Variants in CELA3B observed in about 807,000 individuals in gnomAD.
CELA3B encodes chymotrypsin like elastase 3B, also known as chymotrypsin-like elastase family member 3B.
CELA3B carries 34 observed loss-of-function variants against 37.2 expected under a neutral mutation model. That is an observed-to-expected ratio of 0.91 (90% CI 0.70 to 1.22). The LOEUF is 1.22. Ranked by LOEUF, CELA3B falls within the 50% of genes most tolerant of loss-of-function variation. The pLI, the probability that CELA3B is intolerant of heterozygous loss-of-function variation, is 0.00. For synonymous variants in CELA3B, 127 were observed against 143.5 expected (o/e 0.89, Z 0.82); for missense variants, 340 against 363.1 (o/e 0.94, Z 0.52).
intron 5 of CELA3B, 120 bp downstream of exon 5, chr1:21,983,950 C>T (rs1644822105): frequency 2.1e-6 from 3 of 1,418,294 alleles, no homozygotes; most frequent in Non-Finnish European, 2.9e-6. Flanking sequence ...TTCTCTCCAG[C>T]TGCAGCCTTC....
Position 21,977,089 on chromosome 1 carries a change from C to G in CELA3B, c.43+7C>G. 1 of 1,614,122 alleles carries G rather than the reference C, an allele frequency of 6.2e-7. No individual in the cohort carries two copies. ...CTCCTCCTTGTGGCCGTTGGTAAGACCCCAACCTGTGTGTGTGCTCCCTGG... is the reference window on the plus strand; with the variant it reads ...CTCCTCCTTGTGGCCGTTGGTAAGAGCCCAACCTGTGTGTGTGCTCCCTGG... On this transcript the variant is annotated splice_region_variant and intron_variant, in intron 1 of 7. Transcript: ENST00000337107.
intron 2 of CELA3B, among the ~76,000 whole-genome samples, chr1:21,978,669 G>A (rs1301456199): frequency 3.3e-5 from 5 of 152,118 alleles, no homozygotes; most frequent in Non-Finnish European, 7.4e-5. Flanking sequence ...AAGTGGAATC[G>A]GGGGTGAAGG....
chr1:21,984,755 T>A (rs1232069503), intron 6 of CELA3B, among the ~76,000 whole-genome samples: 1 of 152,090 alleles, frequency 6.6e-6, no homozygotes, highest in Non-Finnish European at 1.5e-5. Flanking sequence ...GAGACCAGCC[T>A]GGCCAACATG....
chr1:21,981,040 G>A lies in CELA3B; in HGVS notation c.230G>A (p.Ser77Asn), dbSNP rs764453924. ...WVVTAGHCISSSRTYQVVLGE... is the reference protein window; with the variant it reads ...WVVTAGHCISNSRTYQVVLGE... ...ACTGACCTCACCTCCGCCCGCAGGA[G>A]CTCCCGGACCTACCAGGTGGTGTTG... The change falls in exon 4 of 8, where the codon AGC becomes AAC. Residue 77 changes from serine (S) to asparagine (N), a missense_variant and splice_region_variant. Physicochemically the swap from Ser to Asn is conservative, Grantham distance 46 (BLOSUM62 1). Transcript: ENST00000337107. 3 of 1,614,116 alleles carry A rather than the reference G, an allele frequency of 1.9e-6. No homozygotes were observed. The highest frequency in any genetic ancestry group is 1.7e-5 in the Admixed American group (1 of 60,014).
chr1:21,984,480 C>T, intron 6 of CELA3B, 149 bp downstream of exon 6: 1 of 1,099,998 alleles, frequency 9.1e-7, no homozygotes, highest in Non-Finnish European at 1.3e-6. Context: ...CAGCGCAGTC[C>T]AGACACAGAG....
intron 4 of CELA3B, among the ~76,000 whole-genome samples, chr1:21,982,757 A>G (rs1489467050): frequency 6.6e-6 from 1 of 152,012 alleles, no homozygotes; most frequent in Non-Finnish European, 1.5e-5. Flanking sequence ...GGCTCACTAC[A>G]AGCTCTGCCT....
At chr1:21,992,441 G>A (rs1475161469), downstream of CELA3B, among the ~76,000 whole-genome samples, 1 of 151,740 alleles carries the variant, frequency 6.6e-6, no homozygotes, top group Non-Finnish European at 1.5e-5. Context: ...ATCAAAAGGT[G>A]AAGCAGGAAC....
At position 21,984,282 on chromosome 1, in the gene CELA3B, T is replaced by C. The variant is rs749424631; in HGVS notation, c.593T>C (p.Val198Ala). The change falls in exon 6 of 8, where the codon GTG becomes GCG. Residue 198 changes from valine (V) to alanine (A), a missense_variant. Val to Ala is a moderately conservative substitution (Grantham distance 64). Transcript: ENST00000337107. Reference protein sequence around the residue: ...CSRWNWWGSSVKKTMVCAGGD... With the variant: ...CSRWNWWGSSAKKTMVCAGGD... ...AGGTGGAACTGGTGGGGTTCCTCCGTGAAGAAGACCATGGTGTGTGCTGGA... is the reference window on the plus strand; with the variant it reads ...AGGTGGAACTGGTGGGGTTCCTCCGCGAAGAAGACCATGGTGTGTGCTGGA... The C allele has an allele frequency of 6.2e-7, 1 of 1,614,152 alleles. No homozygotes were observed. Among genetic ancestry groups the C allele is most frequent in the Admixed American group, 1.7e-5 (1 of 60,008 alleles).
chr1:21,992,968 C>CAAA (rs569090847), downstream of CELA3B, among the ~76,000 whole-genome samples: 7 of 107,476 alleles, frequency 6.5e-5, no homozygotes, highest in Non-Finnish European at 1.2e-4. Flanking sequence ...ACCTTGTCTC[C>CAAA]AAAAAAAAAA....
Position 21,981,095 on chromosome 1 carries a change from C to T in CELA3B, c.285C>T (p.Gly95=). ...AGTACGACCGTGCTGTGAAGGAGGGCCCCGAGCAGGTGATCCCCATCAACT... is the reference window on the plus strand; with the variant it reads ...AGTACGACCGTGCTGTGAAGGAGGGTCCCGAGCAGGTGATCCCCATCAACT... ...LGEYDRAVKE[G]PEQVIPINSG... is the part of the protein sequence containing the mutation. Residue 95 remains glycine, a synonymous_variant, in exon 4 of 8, where the codon GGC becomes GGT. Coordinates refer to ENST00000337107, the MANE Select transcript of CELA3B (RefSeq NM_007352.4). 1 of 1,613,670 alleles carries T rather than the reference C, an allele frequency of 6.2e-7. No homozygotes were observed. Among genetic ancestry groups the T allele is most frequent in the Non-Finnish European group, 8.5e-7 (1 of 1,180,028 alleles).
intron 6 of CELA3B, among the ~76,000 whole-genome samples, 198 bp from the exon 7 acceptor site, chr1:21,986,333 T>G (rs61777962): frequency 0.087 from 13,065 of 150,312 alleles, 1,008 homozygotes; most frequent in African/African-American, 0.2. Context: ...CCAAGCTAGC[T>G]CCACTGCACT....
At chr1:21,989,708 G>A (rs193292317), downstream of CELA3B, among the ~76,000 whole-genome samples, 18 of 151,138 alleles carry the variant, frequency 1.2e-4, no homozygotes, top group Admixed American at 6.6e-4. Context: ...CCCCTCAGCA[G>A]GCTCATGGTA....
At position 21,984,182 on chromosome 1, in the gene CELA3B, G is replaced by C. The variant is rs766657011; in HGVS notation, c.500-7G>C. ...GACCCCTGACTCGGTGCTTTTTATCGCTGCAGCCAACGGGCCACTCCCAGA... is the reference window on the plus strand; with the variant it reads ...GACCCCTGACTCGGTGCTTTTTATCCCTGCAGCCAACGGGCCACTCCCAGA... On this transcript the variant is annotated splice_region_variant and splice_polypyrimidine_tract_variant and intron_variant, in intron 5 of 7. Transcript: ENST00000337107. The C allele has an allele frequency of 3.9e-5, 63 of 1,611,620 alleles. No homozygotes were observed. The highest frequency in any genetic ancestry group is 2.9e-4 in the African/African-American group (22 of 74,888).
chr1:21,997,690 CAAA>C (rs35751810), intron 4 of CELA3B, among the ~76,000 whole-genome samples: 1 of 131,934 alleles, frequency 7.6e-6, no homozygotes, highest in Non-Finnish European at 1.6e-5. Context: ...ACTTCGTCTC[CAAA>C]AAAAAAAAAA....
At chr1:21,982,663 C>T (rs1644812392) in intron 4 of CELA3B, among the ~76,000 whole-genome samples, 2 of 151,984 alleles carry the variant, frequency 1.3e-5, no homozygotes, top group Admixed American at 1.3e-4. Flanking sequence ...TGGGATGCAG[C>T]AGTCTGTTTT....
chr1:21,982,468 G>A (rs949613741), intron 4 of CELA3B, among the ~76,000 whole-genome samples: 9 of 151,898 alleles, frequency 5.9e-5, no homozygotes, highest in Admixed American at 5.3e-4. Flanking sequence ...GTGGTGACGC[G>A]CACCTATAAT....
chr1:21,985,316 T>G (rs1191408372), intron 6 of CELA3B, among the ~76,000 whole-genome samples: 1 of 150,818 alleles, frequency 6.6e-6, no homozygotes, highest in Admixed American at 6.6e-5. Flanking sequence ...CTTGCTCTGT[T>G]GCCCAGGCTG....
chr1:21,983,464 T>G (rs12023741), intron 4 of CELA3B, among the ~76,000 whole-genome samples: 2 of 143,998 alleles, frequency 1.4e-5, no homozygotes, highest in Non-Finnish European at 3.2e-5. Context: ...GAGGATCCCT[T>G]GGCCCAGGAG....
chr1:21,977,161 C>A, intron 1 of CELA3B, 79 bp downstream of exon 1: 1 of 1,591,096 alleles, frequency 6.3e-7, no homozygotes, highest in South Asian at 1.1e-5. Context: ...TGCTCTAAGT[C>A]CCATGACACC....
Sources: allele counts gnomAD v4.1 joint callset (sites outside exome capture counted in the v4.1 genomes callset), GRCh38; gene constraint gnomAD v4.1.1; transcripts MANE v1.5; gene names NCBI Gene and HGNC (gene_info 2026-07-23, HGNC 2026-07-21).